CNTNAP5: variants seen among roughly 807,000 people sequenced by gnomAD.
CNTNAP5 encodes the protein contactin-associated protein-like 5.
Under a neutral mutation model 150.2 loss-of-function variants are expected in CNTNAP5, and 72 were observed. The observed-to-expected ratio is 0.48, with a 90% CI of 0.40 to 0.58. CNTNAP5 has a LOEUF of 0.58. CNTNAP5 is among the 20% of genes least tolerant of loss of function. CNTNAP5 has a pLI of 0.00. For missense variants in CNTNAP5, 1,636 were observed against 1,626.2 expected (o/e 1.01, Z -0.10); for synonymous variants, 672 against 619.8 (o/e 1.08, Z -1.25).
chr2:124,701,197 T>G, intron 13 of CNTNAP5, among the ~76,000 whole-genome samples: 1 of 152,254 alleles, frequency 6.6e-6, no homozygotes, highest in African/African-American at 2.4e-5. Flanking sequence ...TCAACCCTGG[T>G]AACCAATGTG....
intron 1 of CNTNAP5, among the ~76,000 whole-genome samples, chr2:124,109,080 C>T (rs1210844753): frequency 3.3e-5 from 5 of 152,180 alleles, no homozygotes; most frequent in Admixed American, 1.3e-4. Context: ...TCTTCAATCA[C>T]GGGCAGCTTC....
At chr2:124,312,337 C>A (rs147065636) in intron 3 of CNTNAP5, among the ~76,000 whole-genome samples, 1 of 152,152 alleles carries the variant, frequency 6.6e-6, no homozygotes, top group East Asian at 1.9e-4. Flanking sequence ...TGAGTTATTT[C>A]TTTTTTTATT....
chr2:124,812,542 A>G lies in CNTNAP5; in HGVS notation c.3217+14222A>G, dbSNP rs942370421. On this transcript the variant is annotated intron_variant, in intron 19 of 23. Coordinates refer to ENST00000682447, the MANE Select transcript of CNTNAP5 (RefSeq NM_001367498.1). ...GACATCAACCCAGACCTTAAATCTC[A>G]TAAGAAATATTTGCAATCTATTCTC... is the stretch of plus-strand genomic sequence containing the variant. Among the ~76,000 whole-genome samples, 12 of 152,100 alleles carry G rather than the reference A, an allele frequency of 7.9e-5. No homozygotes were observed. The East Asian group carries it at 1.7e-3, about 22-fold the overall frequency.
chr2:124,457,568 A>G (rs1693150566), intron 6 of CNTNAP5, among the ~76,000 whole-genome samples: 1 of 152,148 alleles, frequency 6.6e-6, no homozygotes, highest in African/African-American at 2.4e-5. Flanking sequence ...GTTAAGTTCC[A>G]GGGTACATGT....
At chr2:124,673,089 A>G (rs1476792673) in intron 13 of CNTNAP5, among the ~76,000 whole-genome samples, 2 of 152,222 alleles carry the variant, frequency 1.3e-5, no homozygotes, top group Non-Finnish European at 2.9e-5. Context: ...GATGCTGTGC[A>G]AAATGTAAAT....
At chr2:124,157,451 C>T (rs1206471200) in intron 1 of CNTNAP5, among the ~76,000 whole-genome samples, 3 of 152,116 alleles carry the variant, frequency 2.0e-5, no homozygotes, top group Non-Finnish European at 2.9e-5. Context: ...TTTGACTTTT[C>T]GGTTTCCTAG....
At position 124,902,841 on chromosome 2, in the gene CNTNAP5, CA is replaced by C. The variant is rs745987160; in HGVS notation, c.3437-34del. On this transcript the variant is annotated intron_variant, in intron 21 of 23. Coordinates refer to ENST00000682447, the MANE Select transcript of CNTNAP5 (RefSeq NM_001367498.1). ...GACCCAGCATATAATTTGGAAAAAA[CA>C]AAAAAAGTAAAGGACTTCTGATTAT... 904 of 1,476,248 alleles carry C rather than the reference CA, an allele frequency of 6.1e-4. 2 individuals carry two copies. The highest frequency in any genetic ancestry group is 7.9e-4 in the Non-Finnish European group (862 of 1,086,298). 91.4% of individuals were successfully genotyped at this position (1,476,248 alleles called of 1,614,324 possible).
intron 19 of CNTNAP5, 73 bp downstream of exon 19, chr2:124,798,393 C>A: frequency 9.2e-7 from 1 of 1,092,418 alleles, no homozygotes; most frequent in South Asian, 1.3e-5. Context: ...CTCCAGAACT[C>A]TGCATAATTT....
chr2:124,352,159 C>T (rs1018974864), intron 3 of CNTNAP5, among the ~76,000 whole-genome samples: 7 of 151,782 alleles, frequency 4.6e-5, no homozygotes, highest in Admixed American at 6.6e-5. Context: ...ATGACCTTGC[C>T]TCATTTCATC....
intron 7 of CNTNAP5, among the ~76,000 whole-genome samples, chr2:124,490,200 G>T (rs761573662): frequency 7.9e-5 from 12 of 152,016 alleles, no homozygotes; most frequent in African/African-American, 1.2e-4. Context: ...CAGGCATGGT[G>T]GTGTACACCT....
At chr2:124,534,999 G>A (rs773250065) in intron 10 of CNTNAP5, among the ~76,000 whole-genome samples, 8 of 152,192 alleles carry the variant, frequency 5.3e-5, no homozygotes, top group South Asian at 2.1e-4. Context: ...TTCAGTGTAC[G>A]TTGTTCTGGT....
intron 1 of CNTNAP5, among the ~76,000 whole-genome samples, chr2:124,159,638 G>A (rs1684628074): frequency 6.6e-6 from 1 of 152,162 alleles, no homozygotes; most frequent in Admixed American, 6.5e-5. Context: ...ACTGGACAAA[G>A]TGACCCCTAG....
intron 3 of CNTNAP5, among the ~76,000 whole-genome samples, chr2:124,354,837 G>A (rs1689957713): frequency 6.6e-6 from 1 of 151,962 alleles, no homozygotes; most frequent in Admixed American, 6.6e-5. Flanking sequence ...AATATGACCA[G>A]ATTTTTTATA....
At chr2:124,792,813 CGCATA>C (rs1681762773) in intron 18 of CNTNAP5, among the ~76,000 whole-genome samples, 12 of 152,244 alleles carry the variant, frequency 7.9e-5, no homozygotes, top group Non-Finnish European at 4.4e-5. Flanking sequence ...TCTTTTACTT[CGCATA>C]ATATTGTCCC....
At chr2:124,617,231 G>A (rs893034136) in intron 12 of CNTNAP5, among the ~76,000 whole-genome samples, 1 of 151,862 alleles carries the variant, frequency 6.6e-6, no homozygotes, top group African/African-American at 2.4e-5. Flanking sequence ...TGAACTATCT[G>A]TGAAGCACAG....
At chr2:124,029,187 A>G (rs562718791) in intron 1 of CNTNAP5, among the ~76,000 whole-genome samples, 1 of 152,240 alleles carries the variant, frequency 6.6e-6, no homozygotes, top group South Asian at 2.1e-4. Context: ...AATTTCAACT[A>G]AGATATATGA....
At chr2:124,147,582 C>T (rs1014807518) in intron 1 of CNTNAP5, among the ~76,000 whole-genome samples, 1 of 152,202 alleles carries the variant, frequency 6.6e-6, no homozygotes, top group Admixed American at 6.5e-5. Flanking sequence ...TCAGAAATAA[C>T]ATTTCATATT....
At chr2:124,876,928 C>T (rs895084372) in intron 21 of CNTNAP5, among the ~76,000 whole-genome samples, 1 of 152,094 alleles carries the variant, frequency 6.6e-6, no homozygotes, top group African/African-American at 2.4e-5. Flanking sequence ...CCTGAAATAT[C>T]AGATGTCAGT....
chr2:124,502,091 C>T (rs984713244), intron 7 of CNTNAP5, among the ~76,000 whole-genome samples: 4 of 152,112 alleles, frequency 2.6e-5, no homozygotes, highest in African/African-American at 9.7e-5. Flanking sequence ...AGTTTTCCTG[C>T]TTTCTGTTGA....
Sources: allele counts gnomAD v4.1 joint callset (sites outside exome capture counted in the v4.1 genomes callset), GRCh38; gene constraint gnomAD v4.1.1; transcripts MANE v1.5; gene names NCBI Gene and HGNC (gene_info 2026-07-23, HGNC 2026-07-21).